AK5: variants seen among roughly 807,000 people sequenced by gnomAD.
The protein encoded by AK5 is adenylate kinase 5.
In AK5, 27 loss-of-function variants were observed where a neutral mutation model predicts 69.5. That is an observed-to-expected ratio of 0.39 (90% CI 0.29 to 0.54). AK5 has a LOEUF of 0.54. Ranked by LOEUF, AK5 falls within the 20% of genes least tolerant of loss-of-function variation. The pLI is 0.71. For missense variants in AK5, 531 were observed against 700.4 expected, an observed-to-expected ratio of 0.76 and a Z score of 2.73; for synonymous variants, 260 against 244.4, an observed-to-expected ratio of 1.06 and a Z score of -0.60.
chr1:77,386,163 G>C (rs1020644527), intron 6 of AK5, among the ~76,000 whole-genome samples: 24 of 152,120 alleles, frequency 1.6e-4, no homozygotes, highest in African/African-American at 5.8e-4. Context: ...ATCAATATTA[G>C]TTTTCTTTGA....
At position 77,483,322 on chromosome 1, in the gene AK5, T is replaced by C; in HGVS notation, c.1065T>C (p.Asp355=). The change falls in exon 9 of 14, where the codon GAT becomes GAC. Residue 355 remains aspartate, a synonymous_variant. Coordinates refer to ENST00000354567, the MANE Select transcript of AK5 (RefSeq NM_174858.3). ...DTGSDYEDQG[D]DQLNVFGEDT... ...TATTGTGATTTTTTTAACAGGGTGATGACCAGTTAAATGTATTTGGAGAGG... is the reference window on the plus strand; with the variant it reads ...TATTGTGATTTTTTTAACAGGGTGACGACCAGTTAAATGTATTTGGAGAGG... 2 of 1,610,770 alleles carry C rather than the reference T, an allele frequency of 1.2e-6. No individual in the cohort carries two copies. The highest frequency in any genetic ancestry group is 4.5e-5 in the East Asian group (2 of 44,866).
At chr1:77,436,474 C>T (rs1315859001) in intron 8 of AK5, among the ~76,000 whole-genome samples, 1 of 151,684 alleles carries the variant, frequency 6.6e-6, no homozygotes, top group Non-Finnish European at 1.5e-5. Flanking sequence ...CATGTTTCCT[C>T]ATAATTTTAA....
chr1:77,450,426 C>T (rs1209503361), intron 8 of AK5, among the ~76,000 whole-genome samples: 1 of 152,170 alleles, frequency 6.6e-6, no homozygotes, highest in Non-Finnish European at 1.5e-5. Flanking sequence ...AATGAGAACA[C>T]ACTTAAAATG....
At chr1:77,427,899 G>A (rs1392783416) in intron 8 of AK5, among the ~76,000 whole-genome samples, 1 of 152,210 alleles carries the variant, frequency 6.6e-6, no homozygotes, top group African/African-American at 2.4e-5. Flanking sequence ...TATAGATTAA[G>A]AAGGAATAAA....
intron 10 of AK5, among the ~76,000 whole-genome samples, chr1:77,508,297 TG>T (rs1024097101): frequency 6.6e-6 from 1 of 152,142 alleles, no homozygotes; most frequent in African/African-American, 2.4e-5. Context: ...ACACTTTCCC[TG>T]GGGAATTTTC....
Position 77,368,237 on chromosome 1 carries a change from A to AT in AK5, c.891+27670dup, listed in dbSNP as rs1362600336. Among the ~76,000 whole-genome samples the AT allele has an allele frequency of 3.8e-4, 3 of 7,852 alleles. 1 individual carries two copies. The highest frequency in any genetic ancestry group is 2.3e-3 in the Non-Finnish European group (1 of 434). 5.2% of individuals were successfully genotyped at this position (7,852 alleles called of 152,430 possible). A position where few individuals can be genotyped will look rare whatever the true frequency, so the allele number is the denominator to read the frequency against. On this transcript the variant is annotated intron_variant, in intron 6 of 13. Transcript: ENST00000354567. ...ATACTATATATATATATATATATATATATATATATATATATAATATATATG... is the reference window on the plus strand; with the variant it reads ...ATACTATATATATATATATATATATATTATATATATATATATAATATATATG...
chr1:77,550,079 C>T (rs1659747028), intron 13 of AK5, among the ~76,000 whole-genome samples: 1 of 152,100 alleles, frequency 6.6e-6, no homozygotes, highest in Non-Finnish European at 1.5e-5. Context: ...TTCACCTCAG[C>T]CTCTCCAGTA....
intron 10 of AK5, among the ~76,000 whole-genome samples, chr1:77,509,659 G>GA (rs1195514267): frequency 6.6e-6 from 1 of 152,162 alleles, no homozygotes; most frequent in East Asian, 1.9e-4. Flanking sequence ...AAAATATGAA[G>GA]ATTAGAAATA....
rs35612924 is a variant in AK5, at chr1:77,458,103, T to TA, written c.1060-25195dup. The stretch of plus-strand genomic sequence containing the variant: ...AGAGGCAAGATGAGGCCCCATTTCT[T>TA]AAAAAAAAAAAAAAAAAAAGGGCAA... On this transcript the variant is annotated intron_variant, in intron 8 of 13. Transcript: ENST00000354567. 7.1e-3 allele frequency among the ~76,000 whole-genome samples: 911 copies of TA among 127,630 alleles called. 3 individuals are homozygous for TA. Among genetic ancestry groups the TA allele is most frequent in the East Asian group, 0.011 (50 of 4,500 alleles). 83.7% of individuals were successfully genotyped at this position (127,630 alleles called of 152,430 possible). A position where few individuals can be genotyped will look rare whatever the true frequency, so the allele number is the denominator to read the frequency against.
intron 8 of AK5, among the ~76,000 whole-genome samples, chr1:77,448,062 G>C (rs1652864360): frequency 6.6e-6 from 1 of 152,214 alleles, no homozygotes; most frequent in East Asian, 1.9e-4. Flanking sequence ...GGGCTGCTCA[G>C]CTGAGGCCTA....
intron 6 of AK5, among the ~76,000 whole-genome samples, chr1:77,400,195 C>T (rs77826252): frequency 0.083 from 12,639 of 152,152 alleles, 689 homozygotes; most frequent in South Asian, 0.17. Flanking sequence ...CTTCCAAAAG[C>T]CCTGCTTTGT....
At chr1:77,426,962 G>T (rs937038857) in intron 8 of AK5, among the ~76,000 whole-genome samples, 6 of 152,100 alleles carry the variant, frequency 3.9e-5, no homozygotes, top group Non-Finnish European at 5.9e-5. Context: ...AACAAAATTT[G>T]TGAGATGCAC....
chr1:77,521,752 G>A (rs1182638455), intron 11 of AK5, 75 bp from the exon 12 acceptor site: 1 of 1,069,596 alleles, frequency 9.3e-7, no homozygotes, highest in African/African-American at 1.6e-5. Flanking sequence ...CTCAGTGGAT[G>A]ACTGAAGGAG....
chr1:77,486,298 T>C lies in AK5; in HGVS notation c.1103-10T>C. 1 of 1,552,642 alleles carries C rather than the reference T, an allele frequency of 6.4e-7. No individual in the cohort carries two copies. The highest frequency in any genetic ancestry group is 1.1e-5 in the South Asian group (1 of 89,180). On this transcript the variant is annotated splice_polypyrimidine_tract_variant and intron_variant, in intron 9 of 13. Transcript: ENST00000354567. ...TCTTGCCAATAACTTAAGTTATTCT[T>C]ATTTTAAAGGTTTCATGGAAGATTT...
intron 8 of AK5, among the ~76,000 whole-genome samples, chr1:77,477,024 G>GTGTA (rs1366117765): frequency 1.2e-4 from 18 of 151,330 alleles, no homozygotes. Context: ...GTGTGTGTGT[G>GTGTA]TGTGTGCGTG....
At chr1:77,546,889 A>G (rs1659569534) in intron 13 of AK5, among the ~76,000 whole-genome samples, 1 of 152,210 alleles carries the variant, frequency 6.6e-6, no homozygotes, top group African/African-American at 2.4e-5. Flanking sequence ...GTCCTAAAGG[A>G]TGAAGAGAAA....
At chr1:77,501,194 G>A (rs187575579) in intron 10 of AK5, among the ~76,000 whole-genome samples, 3 of 152,212 alleles carry the variant, frequency 2.0e-5, no homozygotes, top group South Asian at 4.1e-4. Flanking sequence ...TATGCCCCTC[G>A]TAGCCCAGGA....
chr1:77,316,635 A>G (rs999876875), intron 5 of AK5, among the ~76,000 whole-genome samples: 1 of 152,214 alleles, frequency 6.6e-6, no homozygotes. Flanking sequence ...AATTTTAATT[A>G]TGCAATATGT....
intron 5 of AK5, among the ~76,000 whole-genome samples, chr1:77,304,144 C>CCA (rs1659497960): frequency 6.6e-6 from 1 of 152,078 alleles, no homozygotes; most frequent in African/African-American, 2.4e-5. Context: ...CTGCCTCCAC[C>CCA]CCCCGACACA....
Sources: gnomAD v4.1 joint callset for allele counts (sites outside exome capture counted in the v4.1 genomes callset) on GRCh38, gnomAD v4.1.1 for gene constraint, MANE v1.5 for transcripts, NCBI Gene and HGNC (gene_info 2026-07-23, HGNC 2026-07-21) for gene names.